PTPRR: variants seen among roughly 807,000 people sequenced by gnomAD.
PTPRR encodes the protein protein tyrosine phosphatase receptor type R, also known as receptor-type tyrosine-protein phosphatase R.
In PTPRR, 38 loss-of-function variants were observed where a neutral mutation model predicts 77.2. The ratio of observed to expected loss-of-function variants is 0.49; its 90% CI spans 0.38 to 0.65. The LOEUF (loss-of-function observed/expected upper bound fraction) is 0.65, where lower values mean the gene tolerates loss of function less well. PTPRR is among the 30% of genes least tolerant of loss of function. The pLI is 0.00. For synonymous variants in PTPRR, 299 were observed against 283.1 expected (o/e 1.06, Z -0.57); for missense variants, 744 against 799.2 (o/e 0.93, Z 0.83).
At chr12:70,748,923 C>A (rs1036088154) in intron 5 of PTPRR, among the ~76,000 whole-genome samples, 10 of 152,146 alleles carry the variant, frequency 6.6e-5, no homozygotes, top group Admixed American at 3.3e-4. Flanking sequence ...ACTCTGTCTT[C>A]TGGGAATTCA....
chr12:70,687,714 G>T (rs1478122128), intron 8 of PTPRR, among the ~76,000 whole-genome samples: 1 of 152,138 alleles, frequency 6.6e-6, no homozygotes, highest in African/African-American at 2.4e-5. Flanking sequence ...AGTGGAACAG[G>T]TAAGGACTGT....
At chr12:70,847,796 T>A (rs566855680) in intron 2 of PTPRR, among the ~76,000 whole-genome samples, 1 of 152,148 alleles carries the variant, frequency 6.6e-6, no homozygotes, top group African/African-American at 2.4e-5. Flanking sequence ...CCAGAAAGAC[T>A]CAACACAATA....
intron 2 of PTPRR, among the ~76,000 whole-genome samples, chr12:70,832,438 A>G (rs1046563260): frequency 6.6e-6 from 1 of 152,178 alleles, no homozygotes; most frequent in Non-Finnish European, 1.5e-5. Context: ...AGGGCATTTC[A>G]GGTAAAGGGA....
At chr12:70,825,945 A>T (rs1892101395) in intron 2 of PTPRR, among the ~76,000 whole-genome samples, 1 of 152,208 alleles carries the variant, frequency 6.6e-6, no homozygotes, top group Non-Finnish European at 1.5e-5. Context: ...CTCTTTTTAT[A>T]ACATATTTTT....
At chr12:70,731,025 AGAGG>A (rs1462612420) in intron 6 of PTPRR, among the ~76,000 whole-genome samples, 2 of 117,040 alleles carry the variant, frequency 1.7e-5, no homozygotes, top group African/African-American at 5.9e-5. Flanking sequence ...AAGGAGAGAG[AGAGG>A]AAGGAGAGAG....
At chr12:70,699,454 ATT>A (rs34114371) in intron 7 of PTPRR, among the ~76,000 whole-genome samples, 2,103 of 152,140 alleles carry the variant, frequency 0.014, 47 homozygotes, top group African/African-American at 0.047. Flanking sequence ...TTATTAATTA[ATT>A]TATTTTTAGA....
At chr12:70,672,362 C>T (rs79852866) in intron 10 of PTPRR, 70,645 of 1,388,782 alleles carry the variant, frequency 0.051, 3,344 homozygotes, top group Admixed American at 0.2. Context: ...TGAGATGGTC[C>T]TCCCATCAGA....
At chr12:70,776,870 T>G (rs1891099960) in intron 2 of PTPRR, among the ~76,000 whole-genome samples, 2 of 152,146 alleles carry the variant, frequency 1.3e-5, no homozygotes, top group South Asian at 4.1e-4. Flanking sequence ...TGTTTACATT[T>G]TTATAAAAAT....
chr12:70,731,147 G>A (rs1889648275), intron 6 of PTPRR, among the ~76,000 whole-genome samples: 1 of 151,442 alleles, frequency 6.6e-6, no homozygotes, highest in African/African-American at 2.4e-5. Flanking sequence ...GAAGGAGGAA[G>A]GAAAAGAAAG....
intron 1 of PTPRR, among the ~76,000 whole-genome samples, chr12:70,903,099 A>T (rs1893566042): frequency 6.6e-6 from 1 of 151,764 alleles, no homozygotes; most frequent in Admixed American, 6.6e-5. Flanking sequence ...AAAGGCTGGG[A>T]CAGGGAATGG....
intron 2 of PTPRR, among the ~76,000 whole-genome samples, chr12:70,834,641 G>T (rs1343162166): frequency 1.3e-5 from 2 of 152,100 alleles, no homozygotes; most frequent in Non-Finnish European, 2.9e-5. Flanking sequence ...TTTATTCCAT[G>T]GTTAGAATCA....
At chr12:70,874,578 C>A in intron 2 of PTPRR, among the ~76,000 whole-genome samples, 1 of 152,138 alleles carries the variant, frequency 6.6e-6, no homozygotes, top group East Asian at 1.9e-4. Flanking sequence ...GGTGGAAATG[C>A]AAATTGTCAT....
At chr12:70,783,312 A>G (rs1015693201) in intron 2 of PTPRR, among the ~76,000 whole-genome samples, 1 of 151,658 alleles carries the variant, frequency 6.6e-6, no homozygotes, top group African/African-American at 2.4e-5. Context: ...CCTCTCTGCT[A>G]CTGGTTGTGC....
chr12:70,769,159 G>T (rs1890905530), intron 2 of PTPRR, among the ~76,000 whole-genome samples: 1 of 143,794 alleles, frequency 7.0e-6, no homozygotes, highest in Admixed American at 6.9e-5. Context: ...GTTCTGGCCA[G>T]GGCAATTAGG....
intron 2 of PTPRR, among the ~76,000 whole-genome samples, chr12:70,818,009 C>T (rs965712819): frequency 3.9e-5 from 6 of 151,994 alleles, no homozygotes; most frequent in African/African-American, 9.7e-5. Context: ...GTCAGGAGCT[C>T]GAAACCAGCC....
chr12:70,828,667 C>A (rs769605565), intron 2 of PTPRR, among the ~76,000 whole-genome samples: 1 of 152,116 alleles, frequency 6.6e-6, no homozygotes, highest in South Asian at 2.1e-4. Context: ...TGATTCATAT[C>A]GATTCTTATT....
At chr12:70,859,637 A>G (rs10784873) in intron 2 of PTPRR, among the ~76,000 whole-genome samples, 103,320 of 151,470 alleles carry the variant, frequency 0.68, 36,485 homozygotes, top group African/African-American at 0.87. Context: ...TAGATTTGAG[A>G]AGCAGGAAAG....
intron 8 of PTPRR, among the ~76,000 whole-genome samples, chr12:70,689,667 A>T (rs1228015048): frequency 6.6e-6 from 1 of 152,138 alleles, no homozygotes; most frequent in Non-Finnish European, 1.5e-5. Flanking sequence ...CATTTATTGC[A>T]CACTCTCCAC....
At chr12:70,819,424 T>G (rs752790170) in intron 2 of PTPRR, among the ~76,000 whole-genome samples, 4 of 152,206 alleles carry the variant, frequency 2.6e-5, no homozygotes, top group African/African-American at 4.8e-5. Context: ...TGGTCAGGGT[T>G]AGAAATGGAG....
Sources: allele counts gnomAD v4.1 joint callset (sites outside exome capture counted in the v4.1 genomes callset), GRCh38; gene constraint gnomAD v4.1.1; transcripts MANE v1.5; gene names NCBI Gene and HGNC (gene_info 2026-07-23, HGNC 2026-07-21).